Variants in VPS13A observed in about 807,000 individuals in gnomAD.
The protein encoded by VPS13A is intermembrane lipid transfer protein VPS13A.
Under a neutral mutation model 390.9 loss-of-function variants are expected in VPS13A, and 264 were observed. That is an observed-to-expected ratio of 0.68 (90% confidence interval 0.61 to 0.75). The LOEUF (loss-of-function observed/expected upper bound fraction) is 0.75. VPS13A is among the 30% of genes least tolerant of loss of function. The pLI is 0.00. For synonymous variants in VPS13A, 1,231 were observed against 1,227.1 expected, an observed-to-expected ratio of 1.00 and a Z score of -0.07; for missense variants, 3,409 against 3,733.9, an observed-to-expected ratio of 0.91 and a Z score of 2.27.
At chr9:77,330,480 CAAAG>C (rs932676165) in intron 45 of VPS13A, among the ~76,000 whole-genome samples, 4 of 152,310 alleles carry the variant, frequency 2.6e-5, no homozygotes, top group South Asian at 2.1e-4. Flanking sequence ...AAAGGGAAAA[CAAAG>C]GAAGCAATAT....
chr9:77,275,799 C>A, intron 25 of VPS13A, 147 bp downstream of exon 25: 1 of 971,176 alleles, frequency 1.0e-6, no homozygotes. Flanking sequence ...CTTGGTCACT[C>A]CCCGCCCCCC....
chr9:77,314,678 T>C lies in VPS13A; in HGVS notation c.4412+14T>C. 1 of 1,608,200 alleles carries C rather than the reference T, an allele frequency of 6.2e-7. No individual in the cohort carries two copies. The highest frequency in any genetic ancestry group is 8.5e-7 in the Non-Finnish European group (1 of 1,175,332). On this transcript the variant is annotated intron_variant, in intron 37 of 71. Transcript: ENST00000360280. ...AGCAACTCCTCGGTATGTATTGTAA[T>C]GATGTTCTAAGGTTTTACTTGAGAA... is the stretch of plus-strand genomic sequence containing the variant.
At chr9:77,323,990 A>T (rs763437528) in intron 45 of VPS13A, among the ~76,000 whole-genome samples, 6 of 151,796 alleles carry the variant, frequency 4.0e-5, no homozygotes, top group Admixed American at 6.6e-5. Context: ...TTTTCACCAT[A>T]TGGATTTTTT....
intron 53 of VPS13A, among the ~76,000 whole-genome samples, chr9:77,352,165 T>TTAAGTG (rs1178175582): frequency 6.6e-6 from 1 of 152,218 alleles, no homozygotes; most frequent in Non-Finnish European, 1.5e-5. Context: ...TAAGGAACAT[T>TTAAGTG]TAAGGATCCA....
intron 52 of VPS13A, among the ~76,000 whole-genome samples, chr9:77,347,297 T>C (rs1192039583): frequency 2.2e-5 from 3 of 134,482 alleles, no homozygotes; most frequent in Non-Finnish European, 4.9e-5. Context: ...TTTCATAATA[T>C]TGAATCTACC....
intron 17 of VPS13A, among the ~76,000 whole-genome samples, chr9:77,235,827 C>T (rs1013826027): frequency 2.0e-5 from 3 of 152,140 alleles, no homozygotes; most frequent in Admixed American, 6.5e-5. Context: ...TGAAACCTCT[C>T]TGCAGATGGT....
chr9:77,383,116 T>A, intron 68 of VPS13A: 1 of 818,280 alleles, frequency 1.2e-6, no homozygotes, highest in Non-Finnish European at 1.5e-6. Flanking sequence ...TGATATTTAA[T>A]GTGATCAGAG....
intron 1 of VPS13A, among the ~76,000 whole-genome samples, chr9:77,199,556 G>A (rs1489686543): frequency 2.4e-4 from 37 of 151,660 alleles, no homozygotes; most frequent in Admixed American, 2.4e-3. Flanking sequence ...ACGTATCTTG[G>A]GGCTTACTGA....
At position 77,299,943 on chromosome 9, in the gene VPS13A, G is replaced by A. The variant is rs548656996; in HGVS notation, c.3813-2972G>A. Among the ~76,000 whole-genome samples the A allele has an allele frequency of 7.2e-5, 11 of 152,162 alleles. 1 individual carries two copies. Among genetic ancestry groups the A allele is most frequent in the African/African-American group, 2.7e-4 (11 of 41,504 alleles). On this transcript the variant is annotated intron_variant, in intron 33 of 71. Coordinates refer to ENST00000360280, the MANE Select transcript of VPS13A (RefSeq NM_033305.3). ...GGCCTGTTGGGGTGGGAGGCAAGGG[G>A]AAGGATAGCATTAGGACAAATAATT...
intron 71 of VPS13A, among the ~76,000 whole-genome samples, chr9:77,410,095 T>C (rs1389865764): frequency 6.6e-6 from 1 of 152,168 alleles, no homozygotes; most frequent in Admixed American, 6.5e-5. Flanking sequence ...ATAGCTGATC[T>C]CTCAGCAGAA....
rs537144683 is a variant in VPS13A at position 77,222,524 on chromosome 9, C to G, written c.1161+1168C>G. Among the ~76,000 whole-genome samples the G allele has an allele frequency of 2.6e-5, 4 of 152,278 alleles. 1 individual carries two copies. The South Asian group carries it at 8.3e-4, about 32-fold the overall frequency. ...CTACTTGAAATACAGGCATACTTCA[C>G]TTTATTGTGCTTTGCAGACATTGTG... On this transcript the variant is annotated intron_variant, in intron 13 of 71. Coordinates refer to ENST00000360280, the MANE Select transcript of VPS13A (RefSeq NM_033305.3).
intron 46 of VPS13A, among the ~76,000 whole-genome samples, chr9:77,336,366 C>G (rs1248812579): frequency 6.6e-6 from 1 of 151,450 alleles, no homozygotes; most frequent in African/African-American, 2.4e-5. Context: ...AACAAAAACA[C>G]TAAAGCAGAA....
chr9:77,351,284 T>G, intron 52 of VPS13A, 33 bp from the exon 53 acceptor site: 7 of 1,610,296 alleles, frequency 4.3e-6, no homozygotes, highest in Non-Finnish European at 5.9e-6. Context: ...GTACTTGCAT[T>G]TAATTTAACG....
In VPS13A at chr9:77,361,561, A is replaced by T. The variant is rs547215691; in HGVS notation, c.8211+920A>T. 7.2e-5 allele frequency among the ~76,000 whole-genome samples: 11 copies of T among 152,166 alleles called. 1 individual carries two copies. The highest frequency in any genetic ancestry group is 2.6e-4 in the African/African-American group (11 of 41,538). On this transcript the variant is annotated intron_variant, in intron 59 of 71. Coordinates refer to ENST00000360280, the MANE Select transcript of VPS13A (RefSeq NM_033305.3). ...AATGAATACTGGTGTACAAGTTTTT[A>T]TTGGACAAAAACTTTATTAAAAGTC...
chr9:77,382,156 T>C, intron 68 of VPS13A, 69 bp downstream of exon 68: 1 of 1,358,874 alleles, frequency 7.4e-7, no homozygotes, highest in South Asian at 1.4e-5. Flanking sequence ...AGTAGCCATT[T>C]AATATATATT....
rs182321773 is a variant in VPS13A, at chr9:77,331,465, T to A, written c.5992-545T>A. 6.6e-5 allele frequency among the ~76,000 whole-genome samples: 10 copies of A among 152,226 alleles called. No homozygotes were observed. The East Asian group carries it at 1.9e-3, about 29-fold the overall frequency. On this transcript the variant is annotated intron_variant, in intron 45 of 71. Transcript: ENST00000360280. ...TTTGTATTTTCTTGATTACTAGGAA[T>A]GTCAAGTATCTTTTCATCTGTTTAT...
At chr9:77,399,047 T>G (rs1834239600) in intron 68 of VPS13A, among the ~76,000 whole-genome samples, 1 of 139,418 alleles carries the variant, frequency 7.2e-6, no homozygotes, top group African/African-American at 2.7e-5. Flanking sequence ...GGGATAGCAT[T>G]GGGAGATATA....
intron 68 of VPS13A, among the ~76,000 whole-genome samples, chr9:77,400,510 T>C (rs1014578858): frequency 1.3e-5 from 2 of 152,082 alleles, no homozygotes; most frequent in Non-Finnish European, 2.9e-5. Context: ...GACTCTGTTA[T>C]ATTTTGGCCT....
chr9:77,310,616 T>A (rs1032519024), intron 35 of VPS13A, among the ~76,000 whole-genome samples: 1 of 120,018 alleles, frequency 8.3e-6, no homozygotes, highest in African/African-American at 3.2e-5. Flanking sequence ...TAAATCTCAT[T>A]GAAAAATACT....
Sources: gnomAD v4.1 joint callset for allele counts (sites outside exome capture counted in the v4.1 genomes callset) on GRCh38, gnomAD v4.1.1 for gene constraint, MANE v1.5 for transcripts, NCBI Gene and HGNC (gene_info 2026-07-23, HGNC 2026-07-21) for gene names.